The following NRXN3 variants were observed in gnomAD, a reference collection of about 807,000 sequenced individuals.
NRXN3 encodes neurexin 3.
A neutral mutation model predicts 137.6 loss-of-function variants in NRXN3; 32 were observed. The ratio of observed to expected loss-of-function variants is 0.23; its 90% confidence interval spans 0.18 to 0.31. The LOEUF is 0.31. Ranked by LOEUF, NRXN3 falls within the 10% of genes least tolerant of loss-of-function variation. NRXN3 has a pLI of 1.00. For synonymous variants in NRXN3, 798 were observed against 784.5 expected (o/e 1.02, Z -0.29); for missense variants, 1,574 against 2,062.5 (o/e 0.76, Z 4.59).
intron 15 of NRXN3, among the ~76,000 whole-genome samples, chr14:79,281,297 A>G (rs926324563): frequency 1.3e-5 from 2 of 152,182 alleles, no homozygotes; most frequent in Admixed American, 1.3e-4. Context: ...TTTAGGTAGC[A>G]GAGATGGGCT....
intron 16 of NRXN3, among the ~76,000 whole-genome samples, chr14:79,528,021 A>G (rs139854771): frequency 1.8e-3 from 270 of 152,298 alleles, no homozygotes; most frequent in African/African-American, 2.7e-3. Flanking sequence ...AGCAATTGCT[A>G]TAGTCTCCCT....
At chr14:78,751,243 C>A (rs185488899) in intron 8 of NRXN3, among the ~76,000 whole-genome samples, 1 of 152,294 alleles carries the variant, frequency 6.6e-6, no homozygotes. Flanking sequence ...TCTGCAGGGT[C>A]TAAGGTGGTA....
intron 10 of NRXN3, among the ~76,000 whole-genome samples, chr14:78,899,154 G>A (rs917014374): frequency 6.6e-6 from 1 of 151,916 alleles, no homozygotes; most frequent in African/African-American, 2.4e-5. Context: ...TTATCCCTTT[G>A]TATTAGTTTA....
chr14:79,135,196 T>C (rs1029582260), intron 15 of NRXN3, among the ~76,000 whole-genome samples: 1 of 152,204 alleles, frequency 6.6e-6, no homozygotes, highest in Non-Finnish European at 1.5e-5. Flanking sequence ...TTTATTTGTA[T>C]GTGGCATGAT....
At chr14:78,362,461 T>A (rs955332757) in intron 4 of NRXN3, among the ~76,000 whole-genome samples, 2 of 152,188 alleles carry the variant, frequency 1.3e-5, no homozygotes, top group East Asian at 3.8e-4. Context: ...AATTAATGCC[T>A]CTCCTTTTTA....
chr14:79,416,216 C>A (rs2095494617), intron 15 of NRXN3, among the ~76,000 whole-genome samples: 1 of 152,084 alleles, frequency 6.6e-6, no homozygotes, highest in Non-Finnish European at 1.5e-5. Flanking sequence ...AACCTCCTGG[C>A]AACCTTCTCT....
chr14:79,363,645 C>T (rs1321931372), intron 15 of NRXN3, among the ~76,000 whole-genome samples: 3 of 150,776 alleles, frequency 2.0e-5, no homozygotes, highest in Non-Finnish European at 4.4e-5. Context: ...ACTCTGAAGA[C>T]AAATTAGTCC....
chr14:78,869,755 T>C (rs926117159), intron 10 of NRXN3, among the ~76,000 whole-genome samples: 1 of 152,202 alleles, frequency 6.6e-6, no homozygotes, highest in African/African-American at 2.4e-5. Context: ...GTACTTCATC[T>C]TATCCATCCT....
chr14:79,366,410 C>T (rs12888473), intron 15 of NRXN3, among the ~76,000 whole-genome samples: 65,536 of 151,912 alleles, frequency 0.43, 14,659 homozygotes, highest in South Asian at 0.54. Flanking sequence ...AGATTTTATT[C>T]ATTCTATCAA....
chr14:79,609,162 T>A (rs2098066000), intron 16 of NRXN3, among the ~76,000 whole-genome samples: 1 of 152,014 alleles, frequency 6.6e-6, no homozygotes, highest in Non-Finnish European at 1.5e-5. Flanking sequence ...CGTGAGAAAG[T>A]GTCCACCATA....
At chr14:78,322,877 A>G (rs1219897332) in intron 4 of NRXN3, among the ~76,000 whole-genome samples, 1 of 151,982 alleles carries the variant, frequency 6.6e-6, no homozygotes, top group African/African-American at 2.4e-5. Context: ...ACTCCTTAGA[A>G]TGTCGTGCTG....
chr14:79,158,793 A>C (rs2060491233), intron 15 of NRXN3, among the ~76,000 whole-genome samples: 1 of 151,848 alleles, frequency 6.6e-6, no homozygotes, highest in South Asian at 2.1e-4. Context: ...GGTCCTGAAA[A>C]TATAACCATA....
intron 10 of NRXN3, among the ~76,000 whole-genome samples, chr14:78,814,710 G>A (rs1232460761): frequency 6.6e-6 from 1 of 152,142 alleles, no homozygotes; most frequent in Non-Finnish European, 1.5e-5. Flanking sequence ...AGTTCCATAA[G>A]GCTGGCAGTA....
chr14:79,809,313 AT>A (rs1323079821), intron 20 of NRXN3, among the ~76,000 whole-genome samples: 1 of 152,092 alleles, frequency 6.6e-6, no homozygotes, highest in Non-Finnish European at 1.5e-5. Context: ...TAACTTTTGT[AT>A]TTTTGGTAGA....
At chr14:79,295,270 G>A (rs530050763) in intron 15 of NRXN3, among the ~76,000 whole-genome samples, 55 of 151,662 alleles carry the variant, frequency 3.6e-4, no homozygotes, top group African/African-American at 1.1e-3. Flanking sequence ...CCAGATTGCC[G>A]TATGGCCACT....
rs375642891 is a variant in NRXN3 at position 78,916,550 on chromosome 14, G to A, written c.2276-40692G>A. Among the ~76,000 whole-genome samples the A allele has an allele frequency of 2.7e-4, 41 of 152,298 alleles. No individual in the cohort carries two copies. In the East Asian group the frequency reaches 7.2e-3, roughly 27 times the overall value. On this transcript the variant is annotated intron_variant, in intron 10 of 20. Transcript: ENST00000335750. ...GCCCTTTGTGGGAGTCCTTCTGTTA[G>A]AGAAGACCTGTTTGGATGGAGAATA...
intron 14 of NRXN3, among the ~76,000 whole-genome samples, chr14:78,983,444 C>T (rs757296831): frequency 6.6e-5 from 10 of 152,138 alleles, no homozygotes; most frequent in South Asian, 2.1e-4. Context: ...TATATGTACA[C>T]GATGCAATAC....
chr14:79,058,382 A>G (rs1389907712), intron 15 of NRXN3, among the ~76,000 whole-genome samples: 1 of 152,160 alleles, frequency 6.6e-6, no homozygotes, highest in African/African-American at 2.4e-5. Context: ...GAAACAGACA[A>G]GCAGTATGTA....
chr14:78,526,641 T>C (rs1434198775), intron 4 of NRXN3: 1 of 385,902 alleles, frequency 2.6e-6, no homozygotes, highest in Non-Finnish European at 5.1e-6. Flanking sequence ...TATCTGATAA[T>C]AGTAACTAAC....
Sources: allele counts gnomAD v4.1 joint callset (sites outside exome capture counted in the v4.1 genomes callset), GRCh38; gene constraint gnomAD v4.1.1; transcripts MANE v1.5; gene names NCBI Gene and HGNC (gene_info 2026-07-23, HGNC 2026-07-21).